Variants in TMEM132D observed in about 807,000 individuals in gnomAD.
TMEM132D encodes the protein mature OL transmembrane protein.
A neutral mutation model predicts 62.3 loss-of-function variants in TMEM132D; 21 were observed. The ratio of observed to expected loss-of-function variants is 0.34; its 90% confidence interval spans 0.24 to 0.49. TMEM132D has a LOEUF of 0.49. TMEM132D is among the 20% of genes least tolerant of loss of function. The pLI, the probability that TMEM132D is intolerant of heterozygous loss-of-function variation, is 0.99. For missense variants in TMEM132D, 1,346 were observed against 1,402.8 expected (o/e 0.96, Z 0.65); for synonymous variants, 621 against 575.6 (o/e 1.08, Z -1.13).
intron 4 of TMEM132D, among the ~76,000 whole-genome samples, chr12:129,299,273 AG>A (rs1200770273): frequency 6.6e-6 from 1 of 152,232 alleles, no homozygotes; most frequent in East Asian, 1.9e-4. Flanking sequence ...GCAACCATAC[AG>A]GGAAATCCAG....
intron 2 of TMEM132D, among the ~76,000 whole-genome samples, chr12:129,666,192 CA>C (rs2137196077): frequency 6.6e-6 from 1 of 152,268 alleles, no homozygotes; most frequent in South Asian, 2.1e-4. Context: ...CCCAGAAATG[CA>C]TGCTTTCTAG....
chr12:129,839,149 T>TTTTTTTTTTG (rs1873102816), intron 1 of TMEM132D, among the ~76,000 whole-genome samples: 1 of 135,744 alleles, frequency 7.4e-6, no homozygotes, highest in Non-Finnish European at 1.6e-5. Flanking sequence ...TTTTTTTTTT[T>TTTTTTTTTTG]GAGATGGAAT....
chr12:129,351,329 A>G (rs1038097376), intron 3 of TMEM132D, among the ~76,000 whole-genome samples: 4 of 152,324 alleles, frequency 2.6e-5, no homozygotes, highest in Middle Eastern at 3.4e-3. Context: ...TCCGATGGCT[A>G]TATTTTCCCC....
intron 1 of TMEM132D, among the ~76,000 whole-genome samples, chr12:129,901,863 C>T (rs1320932645): frequency 7.1e-6 from 1 of 141,484 alleles, no homozygotes; most frequent in Non-Finnish European, 1.5e-5. Context: ...GAGAACCAAC[C>T]CCCCCCGCCC....
intron 3 of TMEM132D, among the ~76,000 whole-genome samples, chr12:129,466,270 A>T (rs1246305871): frequency 2.2e-5 from 3 of 138,608 alleles, no homozygotes; most frequent in African/African-American, 2.7e-5. Context: ...AGTGGCTGGT[A>T]GATTTTTCCT....
chr12:129,247,974 G>A (rs1382916176), intron 4 of TMEM132D, among the ~76,000 whole-genome samples: 2 of 151,942 alleles, frequency 1.3e-5, no homozygotes, highest in East Asian at 3.9e-4. Context: ...TAATAGATAA[G>A]TAAGGTTGCA....
chr12:129,380,648 G>A (rs1422015283), intron 3 of TMEM132D, among the ~76,000 whole-genome samples: 1 of 151,954 alleles, frequency 6.6e-6, no homozygotes, highest in Non-Finnish European at 1.5e-5. Context: ...CACCACAGTC[G>A]AGACACTTGG....
intron 5 of TMEM132D, among the ~76,000 whole-genome samples, chr12:129,202,472 G>A (rs962943804): frequency 6.6e-6 from 1 of 152,164 alleles, no homozygotes; most frequent in Non-Finnish European, 1.5e-5. Flanking sequence ...AATGCTGTGA[G>A]GTTTTTCATT....
intron 1 of TMEM132D, among the ~76,000 whole-genome samples, chr12:129,782,240 A>G (rs1221631320): frequency 6.6e-6 from 1 of 152,174 alleles, no homozygotes; most frequent in Non-Finnish European, 1.5e-5. Context: ...TCCTTTGAGC[A>G]CCACGTCGGC....
chr12:129,127,902 G>A (rs1390885347), intron 5 of TMEM132D, among the ~76,000 whole-genome samples: 2 of 152,200 alleles, frequency 1.3e-5, no homozygotes, highest in Admixed American at 1.3e-4. Context: ...TCACCTCTGC[G>A]GCCTCAAGTA....
intron 3 of TMEM132D, among the ~76,000 whole-genome samples, chr12:129,342,928 A>G (rs1470311168): frequency 6.6e-6 from 1 of 152,192 alleles, no homozygotes; most frequent in South Asian, 2.1e-4. Context: ...AGGAAACAAG[A>G]GGTGCTGGAG....
At chr12:129,224,928 C>T (rs1005756236) in intron 4 of TMEM132D, among the ~76,000 whole-genome samples, 1 of 152,114 alleles carries the variant, frequency 6.6e-6, no homozygotes. Context: ...TCCTTGATCT[C>T]CCCAAGTGGA....
chr12:129,255,637 C>T (rs930730439), intron 4 of TMEM132D, among the ~76,000 whole-genome samples: 1 of 152,174 alleles, frequency 6.6e-6, no homozygotes, highest in Non-Finnish European at 1.5e-5. Flanking sequence ...ACCTGGCAAT[C>T]TTATGACTTT....
intron 3 of TMEM132D, among the ~76,000 whole-genome samples, chr12:129,456,899 A>C (rs1425146670): frequency 6.6e-6 from 1 of 152,192 alleles, no homozygotes; most frequent in East Asian, 1.9e-4. Context: ...TACTGCTATA[A>C]AGAACTACCT....
rs373583329 is a variant in TMEM132D, at chr12:129,630,698, T to C, written c.968+69112A>G. Among the ~76,000 whole-genome samples, 6 of 152,308 alleles carry C rather than the reference T, an allele frequency of 3.9e-5. No homozygotes were observed. In the South Asian group the frequency reaches 6.2e-4, roughly 16 times the overall value. On this transcript the variant is annotated intron_variant, in intron 2 of 8. Coordinates refer to ENST00000422113, the MANE Select transcript of TMEM132D (RefSeq NM_133448.3). ...AATAGTAAGTCCACTATGTAAATTATTGCTTTTTATTAACTTTCATTTTAG... is the reference window on the plus strand; with the variant it reads ...AATAGTAAGTCCACTATGTAAATTACTGCTTTTTATTAACTTTCATTTTAG...
At position 129,699,973 on chromosome 12, in the gene TMEM132D, T is replaced by C. The variant is rs771491672; in HGVS notation, c.805A>G (p.Ser269Gly). The C allele has an allele frequency of 2.5e-6, 4 of 1,614,080 alleles. No homozygotes were observed. In the South Asian group the frequency reaches 4.4e-5, roughly 18 times the overall value. ...CTGTGTGTCTGATAAAGGAAGATGCTCCCGATCCTCTGCAAGGGGGGCCCG... is the reference window on the plus strand; with the variant it reads ...CTGTGTGTCTGATAAAGGAAGATGCCCCCGATCCTCTGCAAGGGGGGCCCG... ...ESGPPLQRIG[S>G]IFLYQTHRKP... Residue 269 changes from serine (S) to glycine (G), a missense_variant, in exon 2 of 9, where the codon AGC becomes GGC. Physicochemically the swap from Ser to Gly is moderately conservative, Grantham distance 56 (BLOSUM62 0). Transcript: ENST00000422113.
At chr12:129,608,614 G>C (rs185814040) in intron 2 of TMEM132D, among the ~76,000 whole-genome samples, 1 of 152,154 alleles carries the variant, frequency 6.6e-6, no homozygotes, top group African/African-American at 2.4e-5. Context: ...ATCATGTCGC[G>C]TTTACAGCTA....
At chr12:129,715,758 C>G (rs1868548717) in intron 1 of TMEM132D, among the ~76,000 whole-genome samples, 1 of 152,210 alleles carries the variant, frequency 6.6e-6, no homozygotes, top group African/African-American at 2.4e-5. Flanking sequence ...ATATGAGATT[C>G]ATGATTTTAC....
At chr12:129,654,261 C>G (rs1880010356) in intron 2 of TMEM132D, among the ~76,000 whole-genome samples, 1 of 145,258 alleles carries the variant, frequency 6.9e-6, no homozygotes, top group South Asian at 2.3e-4. Flanking sequence ...CTCTTTCTCT[C>G]TCTCTCTCTC....
Sources: gnomAD v4.1 joint callset for allele counts (sites outside exome capture counted in the v4.1 genomes callset) on GRCh38, gnomAD v4.1.1 for gene constraint, MANE v1.5 for transcripts, NCBI Gene and HGNC (gene_info 2026-07-23, HGNC 2026-07-21) for gene names.